MAGI2: variants seen among roughly 807,000 people sequenced by gnomAD.
The protein encoded by MAGI2 is membrane associated guanylate kinase, WW and PDZ domain containing 2.
In MAGI2, 35 loss-of-function variants were observed where a neutral mutation model predicts 133.3. The observed-to-expected ratio is 0.26, with a 90% CI of 0.20 to 0.35. MAGI2 has a LOEUF of 0.35. Among genes scored for constraint, MAGI2 ranks in the 10% least tolerant of loss-of-function variants. The pLI, the probability that MAGI2 is intolerant of heterozygous loss-of-function variation, is 1.00. For synonymous variants in MAGI2, 729 were observed against 710.6 expected, an observed-to-expected ratio of 1.03 and a Z score of -0.41; for missense variants, 1,636 against 1,863.4, an observed-to-expected ratio of 0.88 and a Z score of 2.25.
chr7:78,710,312 C>CA (rs1394286245), intron 2 of MAGI2, among the ~76,000 whole-genome samples: 1 of 152,120 alleles, frequency 6.6e-6, no homozygotes, highest in East Asian at 1.9e-4. Context: ...GCCAGCCCTG[C>CA]ATGATCCTGA....
At chr7:78,177,289 C>T (rs909945576) in intron 14 of MAGI2, among the ~76,000 whole-genome samples, 2 of 152,078 alleles carry the variant, frequency 1.3e-5, no homozygotes, top group Admixed American at 6.6e-5. Flanking sequence ...CATTGGGTAC[C>T]ATTTAAGACA....
intron 1 of MAGI2, among the ~76,000 whole-genome samples, chr7:79,274,403 AATTTATTAGATCATT>A (rs1488852670): frequency 6.6e-6 from 1 of 151,874 alleles, no homozygotes; most frequent in Non-Finnish European, 1.5e-5. Context: ...GAATTTTTCA[AATTTATTAGATCATT>A]ATTTATTAGA....
At chr7:79,020,571 C>A (rs1023204315) in intron 1 of MAGI2, among the ~76,000 whole-genome samples, 18 of 151,948 alleles carry the variant, frequency 1.2e-4, no homozygotes, top group Non-Finnish European at 1.9e-4. Context: ...TTGAGACCAT[C>A]CTGGCTAACA....
intron 1 of MAGI2, among the ~76,000 whole-genome samples, chr7:79,146,998 T>A (rs1822703173): frequency 6.6e-6 from 1 of 152,180 alleles, no homozygotes; most frequent in South Asian, 2.1e-4. Context: ...GATATCAAAG[T>A]GTTAAGAATG....
chr7:78,862,013 A>G (rs2151502629), intron 2 of MAGI2, among the ~76,000 whole-genome samples: 1 of 152,336 alleles, frequency 6.6e-6, no homozygotes, highest in Non-Finnish European at 1.5e-5. Context: ...AATTCAGAAG[A>G]AAGGACAGAA....
intron 1 of MAGI2, among the ~76,000 whole-genome samples, chr7:79,287,833 G>C (rs188575645): frequency 3.9e-4 from 60 of 152,142 alleles, no homozygotes; most frequent in African/African-American, 1.4e-3. Context: ...TAATCTATTA[G>C]TCTTTATCAC....
chr7:79,184,132 T>C (rs1826859235), intron 1 of MAGI2, among the ~76,000 whole-genome samples: 2 of 151,860 alleles, frequency 1.3e-5, no homozygotes, highest in South Asian at 4.1e-4. Flanking sequence ...GCTAAAAGAA[T>C]AGATTCTTAA....
At chr7:78,638,129 A>C (rs1809877861) in intron 2 of MAGI2, among the ~76,000 whole-genome samples, 1 of 152,108 alleles carries the variant, frequency 6.6e-6, no homozygotes, top group Non-Finnish European at 1.5e-5. Context: ...TGAACTAAAA[A>C]ACCTGTCATA....
At chr7:78,766,361 AG>A (rs1240508742) in intron 2 of MAGI2, among the ~76,000 whole-genome samples, 1 of 152,162 alleles carries the variant, frequency 6.6e-6, no homozygotes, top group Non-Finnish European at 1.5e-5. Context: ...TTATAACAAA[AG>A]TGATCTCTTA....
At chr7:78,494,624 T>C (rs1793922642) in intron 5 of MAGI2, among the ~76,000 whole-genome samples, 1 of 152,206 alleles carries the variant, frequency 6.6e-6, no homozygotes, top group Admixed American at 6.5e-5. Flanking sequence ...TCTAATTTCT[T>C]TCTGTTTTCT....
intron 3 of MAGI2, among the ~76,000 whole-genome samples, chr7:78,604,012 AAAC>A (rs1805505162): frequency 6.6e-6 from 1 of 151,314 alleles, no homozygotes; most frequent in Non-Finnish European, 1.5e-5. Flanking sequence ...GGCACTAATG[AAAC>A]ATAAAATCAA....
intron 16 of MAGI2, among the ~76,000 whole-genome samples, chr7:78,148,208 T>C (rs1038167798): frequency 2.6e-5 from 4 of 152,152 alleles, no homozygotes; most frequent in Non-Finnish European, 4.4e-5. Flanking sequence ...TATTCAGCAA[T>C]TGAAAATGAA....
intron 12 of MAGI2, among the ~76,000 whole-genome samples, chr7:78,187,301 T>C (rs1008971522): frequency 5.9e-5 from 9 of 152,132 alleles, no homozygotes; most frequent in African/African-American, 1.9e-4. Flanking sequence ...TTTTGGTCTA[T>C]AAAATTATAT....
At chr7:79,115,652 T>C (rs1170725047) in intron 1 of MAGI2, among the ~76,000 whole-genome samples, 1 of 152,030 alleles carries the variant, frequency 6.6e-6, no homozygotes, top group Non-Finnish European at 1.5e-5. Context: ...AACCATTTCA[T>C]GTATGGTCTG....
chr7:78,621,428 A>T (rs1426255022), intron 3 of MAGI2: 1 of 152,024 alleles, frequency 6.6e-6, no homozygotes, highest in Non-Finnish European at 1.5e-5. Context: ...CTAAATTTTA[A>T]ACCTGATTCA....
At chr7:78,701,845 A>T (rs1818109090) in intron 2 of MAGI2, among the ~76,000 whole-genome samples, 1 of 151,946 alleles carries the variant, frequency 6.6e-6, no homozygotes, top group South Asian at 2.1e-4. Context: ...ACTAAATTTT[A>T]TCATTTCCAA....
intron 10 of MAGI2, among the ~76,000 whole-genome samples, chr7:78,240,692 G>A (rs1439790442): frequency 1.3e-5 from 2 of 152,066 alleles, no homozygotes; most frequent in Non-Finnish European, 2.9e-5. Flanking sequence ...AACCATCACA[G>A]GAAGAATAAG....
At chr7:78,403,767 T>G (rs2151354488) in intron 6 of MAGI2, among the ~76,000 whole-genome samples, 1 of 152,328 alleles carries the variant, frequency 6.6e-6, no homozygotes, top group African/African-American at 2.4e-5. Context: ...TGAGCATTTT[T>G]TCATGTGTCT....
At chr7:78,104,199 G>A (rs536372387) in intron 20 of MAGI2, among the ~76,000 whole-genome samples, 33 of 152,230 alleles carry the variant, frequency 2.2e-4, no homozygotes, top group African/African-American at 6.5e-4. Flanking sequence ...CAGCTCATGA[G>A]AACTTCTGAA....
Sources: allele counts gnomAD v4.1 joint callset (sites outside exome capture counted in the v4.1 genomes callset), GRCh38; gene constraint gnomAD v4.1.1; transcripts MANE v1.5; gene names NCBI Gene and HGNC (gene_info 2026-07-23, HGNC 2026-07-21).